Variants in CENPE observed in about 807,000 individuals in gnomAD.
CENPE encodes the protein centromere protein E, also known as centromere-associated protein E.
CENPE carries 145 observed loss-of-function variants against 336.1 expected under a neutral mutation model. The ratio of observed to expected loss-of-function variants is 0.43; its 90% CI spans 0.38 to 0.50. CENPE has a LOEUF of 0.50. CENPE is among the 20% of genes least tolerant of loss of function. The pLI is 0.00. For synonymous variants in CENPE, 1,013 were observed against 984.8 expected, an observed-to-expected ratio of 1.03 and a Z score of -0.54; for missense variants, 2,719 against 3,023.3, an observed-to-expected ratio of 0.90 and a Z score of 2.36.
At chr4:103,182,351 G>A (rs995654194) in intron 11 of CENPE, among the ~76,000 whole-genome samples, 2 of 152,110 alleles carry the variant, frequency 1.3e-5, no homozygotes, top group Non-Finnish European at 2.9e-5. Context: ...TAGGCTCAGA[G>A]AAAATGAAGG....
rs1370908064 is a variant in CENPE, at chr4:103,144,318, GATGGTAA to G, written c.5145+6_5145+12del. The G allele has an allele frequency of 6.3e-7, 1 of 1,584,258 alleles. No homozygotes were observed. Among genetic ancestry groups the G allele is most frequent in the South Asian group, 1.2e-5 (1 of 85,306 alleles). ...GTCATAGTTACTAGAGGTGTAGAGA[GATGGTAA>G]CTCACTCTAGTTATAGTTTCTCTAA... On this transcript the variant is annotated splice_donor_region_variant and intron_variant, in intron 33 of 48. Coordinates refer to ENST00000265148, the MANE Select transcript of CENPE (RefSeq NM_001813.3).
chr4:103,173,559 C>A (rs914621207), intron 16 of CENPE, among the ~76,000 whole-genome samples: 1 of 151,562 alleles, frequency 6.6e-6, no homozygotes, highest in East Asian at 1.9e-4. Flanking sequence ...ACAATATTTG[C>A]AAAATATTTG....
At chr4:103,125,920 T>C (rs908431105) in intron 42 of CENPE, among the ~76,000 whole-genome samples, 2 of 99,004 alleles carry the variant, frequency 2.0e-5, no homozygotes, top group East Asian at 5.7e-4. Context: ...GCAAAACAAA[T>C]GAAAAAAATC....
chr4:103,194,002 T>C (rs1757555577), intron 8 of CENPE, among the ~76,000 whole-genome samples: 1 of 152,022 alleles, frequency 6.6e-6, no homozygotes, highest in African/African-American at 2.4e-5. Flanking sequence ...GACATTTAAA[T>C]TTTAGGAGAT....
At chr4:103,161,686 G>A (rs1251508882) in intron 18 of CENPE, among the ~76,000 whole-genome samples, 9 of 152,036 alleles carry the variant, frequency 5.9e-5, no homozygotes, top group Non-Finnish European at 1.0e-4. Flanking sequence ...TATAAGCAAT[G>A]TATCATAATT....
chr4:103,161,460 AGACAGAT>A lies in CENPE; in HGVS notation c.1843-10_1843-4del. On this transcript the variant is annotated splice_polypyrimidine_tract_variant and splice_region_variant and intron_variant, in intron 18 of 48. Coordinates refer to ENST00000265148, the MANE Select transcript of CENPE (RefSeq NM_001813.3). ...TGTTTTGGGTCTTCAATGCTTTCCTAGACAGATGACAAAAGGGGTTCACTGAAATCTA... is the reference window on the plus strand; with the variant it reads ...TGTTTTGGGTCTTCAATGCTTTCCTAGACAAAAGGGGTTCACTGAAATCTA... 6.3e-7 allele frequency: 1 copy of A among 1,578,786 alleles called. No individual in the cohort carries two copies. Among genetic ancestry groups the A allele is most frequent in the Non-Finnish European group, 8.6e-7 (1 of 1,167,644 alleles).
At chr4:103,179,730 T>C (rs1320770334) in intron 13 of CENPE, among the ~76,000 whole-genome samples, 1 of 152,144 alleles carries the variant, frequency 6.6e-6, no homozygotes, top group Non-Finnish European at 1.5e-5. Flanking sequence ...CAAGAAATTG[T>C]CCAAGGCCAA....
At chr4:103,126,854 C>T (rs907112207) in intron 42 of CENPE, among the ~76,000 whole-genome samples, 1 of 151,904 alleles carries the variant, frequency 6.6e-6, no homozygotes, top group African/African-American at 2.4e-5. Flanking sequence ...GGAAATATGA[C>T]AATGGAAACT....
chr4:103,120,034 T>G, intron 44 of CENPE, 114 bp downstream of exon 44: 1 of 694,496 alleles, frequency 1.4e-6, no homozygotes, highest in Non-Finnish European at 2.3e-6. Flanking sequence ...CAGAAACACA[T>G]AGGTAACAGT....
chr4:103,190,098 C>A (rs1196083889), intron 8 of CENPE, among the ~76,000 whole-genome samples: 2 of 152,026 alleles, frequency 1.3e-5, no homozygotes, highest in Admixed American at 6.6e-5. Context: ...ATGTGAAGGA[C>A]CTCTTCAAGG....
At chr4:103,165,272 C>T (rs1754806174) in intron 16 of CENPE, among the ~76,000 whole-genome samples, 1 of 152,156 alleles carries the variant, frequency 6.6e-6, no homozygotes, top group African/African-American at 2.4e-5. Context: ...ATTTAACTTA[C>T]ATCTCCAAGT....
At chr4:103,129,090 A>T (rs896943247) in intron 42 of CENPE, among the ~76,000 whole-genome samples, 1 of 152,200 alleles carries the variant, frequency 6.6e-6, no homozygotes, top group Non-Finnish European at 1.5e-5. Context: ...TACAACCCAC[A>T]ATTATGAACA....
chr4:103,190,767 G>A (rs1401474279), intron 8 of CENPE, among the ~76,000 whole-genome samples: 2 of 152,102 alleles, frequency 1.3e-5, no homozygotes, highest in Middle Eastern at 3.2e-3. Context: ...CAAAAGCAAT[G>A]ACAACAAAAG....
intron 33 of CENPE, 53 bp downstream of exon 33, chr4:103,144,276 TTC>T: frequency 1.4e-6 from 2 of 1,472,604 alleles, no homozygotes; most frequent in South Asian, 2.7e-5. Flanking sequence ...TGGCAGATTT[TTC>T]TCTTAGGACT....
intron 16 of CENPE, among the ~76,000 whole-genome samples, chr4:103,168,576 T>C (rs916966202): frequency 3.3e-5 from 5 of 152,222 alleles, no homozygotes; most frequent in African/African-American, 9.6e-5. Context: ...ACTCTGAAGC[T>C]TGGTTTCAGT....
intron 2 of CENPE, 50 bp downstream of exon 2, chr4:103,196,709 T>G (rs768624252): frequency 2.3e-6 from 2 of 887,482 alleles, no homozygotes; most frequent in East Asian, 2.4e-5. Flanking sequence ...TTTTGTACTT[T>G]TAATAGCAAA....
chr4:103,113,003 A>T (rs1749663704), intron 46 of CENPE, among the ~76,000 whole-genome samples: 1 of 69,910 alleles, frequency 1.4e-5, no homozygotes, highest in Non-Finnish European at 2.5e-5. Flanking sequence ...TAAGTATATA[A>T]GTGTATATAT....
At position 103,136,132 on chromosome 4, in the gene CENPE, A is replaced by G; in HGVS notation, c.6522+9T>C. On this transcript the variant is annotated intron_variant, in intron 40 of 48. Coordinates refer to ENST00000265148, the MANE Select transcript of CENPE (RefSeq NM_001813.3). The stretch of plus-strand genomic sequence containing the variant: ...ATATTTAAAAGGATATTACTAAAAA[A>G]GATGGTACCTTCAGTTTCTTCATGA... The G allele has an allele frequency of 6.2e-7, 1 of 1,602,370 alleles. No homozygotes were observed. Among genetic ancestry groups the G allele is most frequent in the Non-Finnish European group, 8.5e-7 (1 of 1,173,162 alleles).
chr4:103,120,456 A>G, intron 43 of CENPE, 123 bp from the exon 44 acceptor site: 2 of 748,540 alleles, frequency 2.7e-6, no homozygotes, highest in South Asian at 1.9e-5. Flanking sequence ...TTAACAATGG[A>G]TAGAAGAGAG....
Sources: gnomAD v4.1 joint callset for allele counts (sites outside exome capture counted in the v4.1 genomes callset) on GRCh38, gnomAD v4.1.1 for gene constraint, MANE v1.5 for transcripts, NCBI Gene and HGNC (gene_info 2026-07-23, HGNC 2026-07-21) for gene names.